The following ALMS1 variants were observed in gnomAD, a reference collection of about 807,000 sequenced individuals.
ALMS1 encodes ALMS1 centrosome and basal body associated protein.
Under a neutral mutation model 352.2 loss-of-function variants are expected in ALMS1, and 271 were observed. The ratio of observed to expected loss-of-function variants is 0.77; its 90% CI spans 0.70 to 0.85. ALMS1 has a LOEUF of 0.85. ALMS1 is among the 40% of genes least tolerant of loss of function. ALMS1 has a pLI of 0.00. For missense variants in ALMS1, 5,445 were observed against 4,870.7 expected (o/e 1.12, Z -3.51); for synonymous variants, 1,865 against 1,761.2 (o/e 1.06, Z -1.48).
intron 10 of ALMS1, among the ~76,000 whole-genome samples, chr2:73,495,608 C>T (rs538962234): frequency 1.3e-5 from 2 of 152,154 alleles, no homozygotes; most frequent in Admixed American, 6.5e-5. Context: ...ACCTGGCATG[C>T]TCATTGCTGG....
intron 16 of ALMS1, among the ~76,000 whole-genome samples, chr2:73,583,652 A>G (rs1249983323): frequency 3.3e-5 from 5 of 152,122 alleles, no homozygotes; most frequent in African/African-American, 1.2e-4. Flanking sequence ...ATTTTGAGTT[A>G]ATTTTTGTAC....
At chr2:73,568,008 A>G (rs1350093515) in intron 15 of ALMS1, among the ~76,000 whole-genome samples, 1 of 152,214 alleles carries the variant, frequency 6.6e-6, no homozygotes, top group Non-Finnish European at 1.5e-5. Flanking sequence ...TTTTCTTACT[A>G]TGCAAAGAGC....
chr2:73,601,071 C>A, intron 18 of ALMS1, 124 bp from the exon 19 acceptor site: 1 of 1,510,126 alleles, frequency 6.6e-7, no homozygotes. Context: ...CTCAAGGGCA[C>A]CCTGTGGCCT....
intron 1 of ALMS1, among the ~76,000 whole-genome samples, chr2:73,404,300 A>G (rs1246039250): frequency 2.0e-5 from 3 of 152,136 alleles, no homozygotes; most frequent in African/African-American, 7.2e-5. Flanking sequence ...TCGCTTTAGT[A>G]GGATTTCCAG....
chr2:73,604,778 G>A (rs1675777586), intron 21 of ALMS1, among the ~76,000 whole-genome samples: 1 of 152,176 alleles, frequency 6.6e-6, no homozygotes, highest in Middle Eastern at 3.2e-3. Flanking sequence ...AGGATGTTCT[G>A]TGCCTTTTTT....
intron 12 of ALMS1, among the ~76,000 whole-genome samples, chr2:73,548,137 G>C (rs1558689911): frequency 6.6e-6 from 1 of 152,102 alleles, no homozygotes. Flanking sequence ...GAGATGTTGG[G>C]TCTACAATTG....
chr2:73,477,118 A>T (rs899257010), intron 9 of ALMS1, among the ~76,000 whole-genome samples: 1 of 152,000 alleles, frequency 6.6e-6, no homozygotes, highest in Admixed American at 6.6e-5. Context: ...TTAAATTTTG[A>T]TTTAGTCCAA....
At chr2:73,545,000 AG>A (rs1208870980) in intron 12 of ALMS1, among the ~76,000 whole-genome samples, 1 of 152,158 alleles carries the variant, frequency 6.6e-6, no homozygotes, top group Non-Finnish European at 1.5e-5. Context: ...GACACAAAGT[AG>A]AATTGTGTTT....
chr2:73,573,435 A>G lies in ALMS1; in HGVS notation c.11547+11A>G, dbSNP rs1674988694. 1.2e-6 allele frequency: 2 copies of G among 1,613,714 alleles called. No individual in the cohort carries two copies. Among genetic ancestry groups the G allele is most frequent in the Non-Finnish European group, 8.5e-7 (1 of 1,179,884 alleles). ...AGGAGACACATCCAGGTACATGGCT[A>G]CAGATTCCATCTGGCAATGTGACTG... is the stretch of plus-strand genomic sequence containing the variant. On this transcript the variant is annotated intron_variant, in intron 16 of 22. Coordinates refer to ENST00000613296, the MANE Select transcript of ALMS1 (RefSeq NM_001378454.1).
chr2:73,537,504 ATTT>A (rs1674055710), intron 12 of ALMS1, among the ~76,000 whole-genome samples: 1 of 152,092 alleles, frequency 6.6e-6, no homozygotes, highest in African/African-American at 2.4e-5. Context: ...AGGCCGGGAG[ATTT>A]ATTGGTTCTA....
At position 73,451,271 on chromosome 2, in the gene ALMS1, A is replaced by G; in HGVS notation, c.4744A>G (p.Lys1582Glu). 6.2e-7 allele frequency: 1 copy of G among 1,613,370 alleles called. No homozygotes were observed. Among genetic ancestry groups the G allele is most frequent in the Non-Finnish European group, 8.5e-7 (1 of 1,179,752 alleles). The change falls in exon 8 of 23, where the codon AAA becomes GAA. Residue 1582 changes from lysine (K) to glutamate (E), a missense_variant. Physicochemically the swap from Lys to Glu is moderately conservative, Grantham distance 56. Transcript: ENST00000613296. ...TGGAGAGAAGCCGATTGTTAACTAC[A>G]AACAGGCCTTTCCAGATGGTCATCT... ...SFGEKPIVNY[K>E]QAFPDGHLPE...
At chr2:73,412,640 A>C (rs981791668) in intron 2 of ALMS1, among the ~76,000 whole-genome samples, 3 of 152,254 alleles carry the variant, frequency 2.0e-5, no homozygotes, top group Non-Finnish European at 4.4e-5. Context: ...TACTAAAAAT[A>C]TAAAAATTAG....
At position 73,448,514 on chromosome 2, in the gene ALMS1, A is replaced by G. The variant is rs1042460396; in HGVS notation, c.1987A>G (p.Thr663Ala). ...GPVEQKTGIP[T>A]VSSTSHSHVE... ...AGTGGAGCAGAAGACGGGAATACCT[A>G]CAGTATCCTCTACATCCCACTCACA... The change falls in exon 8 of 23, where the codon ACA becomes GCA. Residue 663 changes from threonine (T) to alanine (A), a missense_variant. By Grantham distance (58) the Thr-to-Ala change is moderately conservative (BLOSUM62 0). Coordinates refer to ENST00000613296, the MANE Select transcript of ALMS1 (RefSeq NM_001378454.1). The G allele has an allele frequency of 6.2e-7, 1 of 1,613,862 alleles. No homozygotes were observed. The highest frequency in any genetic ancestry group is 1.1e-5 in the South Asian group (1 of 91,074).
intron 16 of ALMS1, among the ~76,000 whole-genome samples, chr2:73,586,882 A>G (rs946027720): frequency 6.6e-6 from 1 of 152,206 alleles, no homozygotes; most frequent in Non-Finnish European, 1.5e-5. Context: ...ATCCATGAGC[A>G]TGGGATAGGT....
chr2:73,475,151 T>C lies in ALMS1; in HGVS notation c.7675-14483T>C, dbSNP rs1385071985. ...TTGTTTACTCATTAGTTGGTAGACA[T>C]TTGGATTTTCCACTCTGGCCATTGT... On this transcript the variant is annotated intron_variant, in intron 9 of 22. Transcript: ENST00000613296. Among the ~76,000 whole-genome samples, 26 of 152,152 alleles carry C rather than the reference T, an allele frequency of 1.7e-4. 1 individual carries two copies.
At chr2:73,454,454 CAGAA>C in intron 8 of ALMS1, 1 of 832,820 alleles carries the variant, frequency 1.2e-6, no homozygotes, top group Non-Finnish European at 1.4e-6. Context: ...ATTCTGAAGG[CAGAA>C]AGAGCCTCCA....
intron 16 of ALMS1, among the ~76,000 whole-genome samples, chr2:73,590,916 T>C (rs546535948): frequency 1.3e-5 from 2 of 152,214 alleles, no homozygotes; most frequent in East Asian, 3.9e-4. Flanking sequence ...CCTGACCTTG[T>C]GATCTGCCCA....
intron 17 of ALMS1, 21 bp downstream of exon 17, chr2:73,599,542 T>C: frequency 6.2e-7 from 1 of 1,611,184 alleles, no homozygotes; most frequent in Non-Finnish European, 8.5e-7. Flanking sequence ...GAATCTAAAC[T>C]TTTTCATTGA....
At chr2:73,609,108 A>G (rs1374854511) in intron 22 of ALMS1, among the ~76,000 whole-genome samples, 1 of 152,204 alleles carries the variant, frequency 6.6e-6, no homozygotes, top group Non-Finnish European at 1.5e-5. Flanking sequence ...ATTCTCTGAG[A>G]AACCAGACCG....
Sources: gnomAD v4.1 joint callset for allele counts (sites outside exome capture counted in the v4.1 genomes callset) on GRCh38, gnomAD v4.1.1 for gene constraint, MANE v1.5 for transcripts, NCBI Gene and HGNC (gene_info 2026-07-23, HGNC 2026-07-21) for gene names.